FOXN3: variants seen among roughly 807,000 people sequenced by gnomAD.
FOXN3 encodes forkhead box N3.
FOXN3 carries 7 observed loss-of-function variants against 38.4 expected under a neutral mutation model. That is an observed-to-expected ratio of 0.18 (90% CI 0.10 to 0.34). The LOEUF is 0.34. FOXN3 is among the 10% of genes least tolerant of loss of function. The pLI is 1.00. For missense variants in FOXN3, 456 were observed against 613.4 expected, an observed-to-expected ratio of 0.74 and a Z score of 2.71; for synonymous variants, 230 against 242.2, an observed-to-expected ratio of 0.95 and a Z score of 0.47.
At chr14:89,521,213 G>A (rs1201818671) in intron 1 of FOXN3, among the ~76,000 whole-genome samples, 1 of 152,084 alleles carries the variant, frequency 6.6e-6, no homozygotes, top group Non-Finnish European at 1.5e-5. Flanking sequence ...GGGAGGCTGA[G>A]GCAGGAGAAT....
chr14:89,337,654 GGA>G (rs1888505426), intron 3 of FOXN3, among the ~76,000 whole-genome samples: 1 of 146,980 alleles, frequency 6.8e-6, no homozygotes, highest in Non-Finnish European at 1.5e-5. Flanking sequence ...TTTTTGAGAC[GGA>G]GTCTTGCTCT....
intron 1 of FOXN3, among the ~76,000 whole-genome samples, chr14:89,613,265 A>G (rs1471042272): frequency 1.3e-5 from 2 of 152,220 alleles, no homozygotes; most frequent in African/African-American, 4.8e-5. Context: ...TACTAGGCAC[A>G]CATTTGGAGA....
chr14:89,351,705 A>G (rs752970501), intron 2 of FOXN3, among the ~76,000 whole-genome samples: 47 of 152,244 alleles, frequency 3.1e-4, no homozygotes, highest in Non-Finnish European at 2.9e-4. Flanking sequence ...TGATAAGGTC[A>G]TTTGTAAATA....
At chr14:89,311,094 G>GCA (rs1349355828) in intron 3 of FOXN3, among the ~76,000 whole-genome samples, 1 of 112,004 alleles carries the variant, frequency 8.9e-6, no homozygotes, top group Non-Finnish European at 1.8e-5. Flanking sequence ...CAACAATCGC[G>GCA]AAACTCCGTC....
In FOXN3 at chr14:89,160,229, C is replaced by G. The variant is rs975580544; in HGVS notation, c.*2185G>C. The G allele has an allele frequency of 8.5e-6, 1 of 117,250 alleles. No individual in the cohort carries two copies. Among genetic ancestry groups the G allele is most frequent in the African/African-American group, 3.2e-5 (1 of 31,198 alleles). 7.3% of individuals were successfully genotyped at this position (117,250 alleles called of 1,614,324 possible). On this transcript the variant is annotated 3_prime_UTR_variant, in exon 6 of 6. Coordinates refer to ENST00000557258, the MANE Select transcript of FOXN3 (RefSeq NM_005197.4). ...TCTTTGTACCCCCGCCCCCCGCCCC[C>G]GCCATTAAAGAAAATTTCTTAGGCA...
At chr14:89,241,566 G>A (rs1002290229) in intron 4 of FOXN3, among the ~76,000 whole-genome samples, 1 of 152,168 alleles carries the variant, frequency 6.6e-6, no homozygotes, top group South Asian at 2.1e-4. Flanking sequence ...TATGTAAAGC[G>A]GAGTGCCTCA....
At chr14:89,371,475 C>G (rs549636042) in intron 2 of FOXN3, among the ~76,000 whole-genome samples, 7 of 152,252 alleles carry the variant, frequency 4.6e-5, no homozygotes, top group Middle Eastern at 6.8e-3. Flanking sequence ...CCTCATTCAT[C>G]TTGTGTGCCC....
chr14:89,369,259 C>T (rs1427443635), intron 2 of FOXN3, among the ~76,000 whole-genome samples: 1 of 152,208 alleles, frequency 6.6e-6, no homozygotes, highest in Non-Finnish European at 1.5e-5. Context: ...ACTGCTGAGT[C>T]ACCTGGCCTA....
At chr14:89,445,651 AAAATCCCCCAG>A (rs564160015) in intron 1 of FOXN3, among the ~76,000 whole-genome samples, 39 of 152,260 alleles carry the variant, frequency 2.6e-4, no homozygotes, top group African/African-American at 9.4e-4. Context: ...ACACTGCCGT[AAAATCCCCCAG>A]GGTCCTCAGA....
At chr14:89,242,181 G>T (rs1017564206) in intron 4 of FOXN3, among the ~76,000 whole-genome samples, 100 of 152,312 alleles carry the variant, frequency 6.6e-4, no homozygotes, top group African/African-American at 2.3e-3. Context: ...GTGACAGAGA[G>T]AAGGTACGAG....
chr14:89,500,993 C>T (rs1366590352), intron 1 of FOXN3, among the ~76,000 whole-genome samples: 3 of 152,220 alleles, frequency 2.0e-5, no homozygotes, highest in Non-Finnish European at 4.4e-5. Flanking sequence ...CTGTCCTCAG[C>T]ATGCATGAAC....
chr14:89,212,943 T>C (rs1884145570), intron 4 of FOXN3, among the ~76,000 whole-genome samples: 1 of 152,172 alleles, frequency 6.6e-6, no homozygotes, highest in Non-Finnish European at 1.5e-5. Flanking sequence ...TCTTTTAAGT[T>C]GACAATTTCA....
At chr14:89,535,092 AAG>A (rs1241580387) in intron 1 of FOXN3, among the ~76,000 whole-genome samples, 1 of 152,194 alleles carries the variant, frequency 6.6e-6, no homozygotes, top group East Asian at 1.9e-4. Flanking sequence ...AGTGACTATA[AAG>A]GACAGCTGTT....
At chr14:89,440,118 G>A (rs1220699635) in intron 1 of FOXN3, among the ~76,000 whole-genome samples, 1 of 152,110 alleles carries the variant, frequency 6.6e-6, no homozygotes, top group Non-Finnish European at 1.5e-5. Flanking sequence ...TGGGCCTCAA[G>A]CAGGTTAAAA....
intron 3 of FOXN3, among the ~76,000 whole-genome samples, chr14:89,339,625 C>G (rs528826651): frequency 5.9e-5 from 9 of 152,226 alleles, no homozygotes; most frequent in Non-Finnish European, 8.8e-5. Context: ...TGCTCTACTG[C>G]GGGCAGGATC....
intron 1 of FOXN3, among the ~76,000 whole-genome samples, chr14:89,480,755 A>G (rs1893309497): frequency 6.6e-6 from 1 of 152,240 alleles, no homozygotes; most frequent in Non-Finnish European, 1.5e-5. Context: ...TTAAAGCAGA[A>G]TATTTTAAAG....
At chr14:89,233,151 A>G (rs1266584658) in intron 4 of FOXN3, among the ~76,000 whole-genome samples, 1 of 152,198 alleles carries the variant, frequency 6.6e-6, no homozygotes, top group Non-Finnish European at 1.5e-5. Flanking sequence ...CTTAGGAGAG[A>G]TATTGATTTA....
At chr14:89,562,067 T>C (rs1170500099) in intron 1 of FOXN3, among the ~76,000 whole-genome samples, 1 of 151,990 alleles carries the variant, frequency 6.6e-6, no homozygotes, top group Non-Finnish European at 1.5e-5. Context: ...GTGTAAAAAA[T>C]GTACAGGTAA....
At chr14:89,409,307 C>G (rs904886683) in intron 2 of FOXN3, 1 of 148,806 alleles carries the variant, frequency 6.7e-6, no homozygotes. Flanking sequence ...GATTGACAAT[C>G]TTCATCCCTG....
Sources: allele counts gnomAD v4.1 joint callset (sites outside exome capture counted in the v4.1 genomes callset), GRCh38; gene constraint gnomAD v4.1.1; transcripts MANE v1.5; gene names NCBI Gene and HGNC (gene_info 2026-07-23, HGNC 2026-07-21).